RAB31: variants seen among roughly 807,000 people sequenced by gnomAD.
The protein encoded by RAB31 is ras-related protein Rab-31.
RAB31 carries 21 observed loss-of-function variants against 25.6 expected under a neutral mutation model. The observed-to-expected ratio is 0.82, with a 90% confidence interval of 0.58 to 1.18. The LOEUF is 1.18. Among genes scored for constraint, RAB31 ranks in the 50% most tolerant of loss-of-function variants. The pLI is 0.00. For synonymous variants in RAB31, 87 were observed against 84.0 expected (o/e 1.04, Z -0.20); for missense variants, 196 against 250.1 (o/e 0.78, Z 1.46).
At chr18:9,755,154 G>T (rs2068254681) in intron 1 of RAB31, among the ~76,000 whole-genome samples, 1 of 152,168 alleles carries the variant, frequency 6.6e-6, no homozygotes, top group South Asian at 2.1e-4. Flanking sequence ...ATACAGGAAA[G>T]CTTAACAGAA....
intron 3 of RAB31, among the ~76,000 whole-genome samples, chr18:9,809,162 T>C (rs1010546690): frequency 6.6e-6 from 1 of 152,230 alleles, no homozygotes; most frequent in Admixed American, 6.5e-5. Context: ...AGCCTGTTTT[T>C]ACCTTGGCCG....
At chr18:9,764,498 A>C (rs1040361464) in intron 1 of RAB31, among the ~76,000 whole-genome samples, 3 of 152,164 alleles carry the variant, frequency 2.0e-5, no homozygotes, top group Non-Finnish European at 4.4e-5. Flanking sequence ...TGTTTTCCTT[A>C]TGCGGGAATT....
At chr18:9,797,820 A>C (rs552409807) in intron 3 of RAB31, among the ~76,000 whole-genome samples, 1 of 152,352 alleles carries the variant, frequency 6.6e-6, no homozygotes, top group East Asian at 1.9e-4. Context: ...CAAAGGAAAG[A>C]TTTCTGTGTG....
chr18:9,844,434 A>G (rs1448313842), intron 5 of RAB31, among the ~76,000 whole-genome samples: 1 of 152,142 alleles, frequency 6.6e-6, no homozygotes, highest in African/African-American at 2.4e-5. Context: ...CCTAGCCTTC[A>G]TGGCCACACT....
chr18:9,744,996 T>C (rs1310151756), intron 1 of RAB31, among the ~76,000 whole-genome samples: 1 of 151,730 alleles, frequency 6.6e-6, no homozygotes, highest in Admixed American at 6.6e-5. Context: ...AGAAAAATAA[T>C]AGGGAAAATC....
chr18:9,817,389 T>G (rs1412880785), intron 5 of RAB31, among the ~76,000 whole-genome samples: 3 of 152,160 alleles, frequency 2.0e-5, no homozygotes, highest in African/African-American at 7.2e-5. Context: ...AAGGGGAATT[T>G]ATTGGAAGAT....
chr18:9,762,011 T>C (rs938917902), intron 1 of RAB31, among the ~76,000 whole-genome samples: 1 of 152,166 alleles, frequency 6.6e-6, no homozygotes, highest in Non-Finnish European at 1.5e-5. Context: ...TTTCACCATG[T>C]TGGCCAGGGT....
chr18:9,737,705 T>C (rs927713904), intron 1 of RAB31, among the ~76,000 whole-genome samples: 2 of 152,322 alleles, frequency 1.3e-5, no homozygotes, highest in African/African-American at 4.8e-5. Flanking sequence ...TAAAAGGTTG[T>C]CACGACGGCA....
At chr18:9,797,065 T>C (rs1392928658) in intron 3 of RAB31, among the ~76,000 whole-genome samples, 6 of 152,352 alleles carry the variant, frequency 3.9e-5, no homozygotes, top group Non-Finnish European at 7.4e-5. Context: ...CACAGACTTC[T>C]GTGCACGGGA....
chr18:9,859,089 A>AAGGG (rs1327421723), intron 6 of RAB31, 139 bp from the exon 7 acceptor site: 73 of 659,536 alleles, frequency 1.1e-4, no homozygotes, highest in Non-Finnish European at 1.8e-4. Context: ...GAAAGGAAGG[A>AAGGG]AGGAGAAAGG....
At chr18:9,819,978 A>G (rs2068617116) in intron 5 of RAB31, among the ~76,000 whole-genome samples, 1 of 151,994 alleles carries the variant, frequency 6.6e-6, no homozygotes. Flanking sequence ...GGAGTTTTCT[A>G]TATACAAGAT....
rs930546756 is a variant in RAB31, at chr18:9,766,171, G to A, written c.40-9107G>A. Among the ~76,000 whole-genome samples, 2 of 152,144 alleles carry A rather than the reference G, an allele frequency of 1.3e-5. No homozygotes were observed. Among genetic ancestry groups the A allele is most frequent in the African/African-American group, 4.8e-5 (2 of 41,428 alleles). On this transcript the variant is annotated intron_variant, in intron 1 of 6. Coordinates refer to ENST00000578921, the MANE Select transcript of RAB31 (RefSeq NM_006868.4). This position sits in a 1 kb window ranked among gnomAD's most constrained non-coding sequence, Gnocchi z 4.3. ...TTTTGGGGCTGTAGAAAGGGGAGGA[G>A]TAGCCATCCAGTAACCCTGGCCTGG...
intron 5 of RAB31, among the ~76,000 whole-genome samples, chr18:9,819,242 T>G (rs1174148689): frequency 1.3e-5 from 2 of 152,214 alleles, no homozygotes; most frequent in Admixed American, 1.3e-4. Flanking sequence ...AGTTACTTTT[T>G]GTATGTAATG....
intron 2 of RAB31, among the ~76,000 whole-genome samples, chr18:9,788,280 G>A (rs879813818): frequency 2.0e-5 from 3 of 152,152 alleles, no homozygotes; most frequent in Non-Finnish European, 4.4e-5. Context: ...TGGCCAACAA[G>A]TTTGTGGAAA....
intron 3 of RAB31, among the ~76,000 whole-genome samples, chr18:9,806,668 A>C (rs774162754): frequency 3.9e-5 from 6 of 152,190 alleles, no homozygotes; most frequent in Non-Finnish European, 5.9e-5. Context: ...CAGGGAAGTG[A>C]AACAATTGGA....
chr18:9,774,578 TCTC>T (rs2068362354), intron 1 of RAB31, among the ~76,000 whole-genome samples: 1 of 152,204 alleles, frequency 6.6e-6, no homozygotes, highest in Non-Finnish European at 1.5e-5. Context: ...TGTTGTCTCT[TCTC>T]CTATCTCTTT....
chr18:9,824,448 ATGTGTGTGTGTAGG>A (rs1483191692), intron 5 of RAB31, among the ~76,000 whole-genome samples: 2 of 151,134 alleles, frequency 1.3e-5, no homozygotes, highest in African/African-American at 2.4e-5. Context: ...GTGTGTGTAG[ATGTGTGTGTGTAGG>A]TGTGTGTGTG....
At chr18:9,794,304 A>G (rs1240240609) in intron 3 of RAB31, among the ~76,000 whole-genome samples, 1 of 152,252 alleles carries the variant, frequency 6.6e-6, no homozygotes, top group Non-Finnish European at 1.5e-5. Flanking sequence ...GGTAATTTAT[A>G]TAATTTTCAT....
At chr18:9,783,379 C>CG (rs959137508) in intron 2 of RAB31, among the ~76,000 whole-genome samples, 10 of 151,976 alleles carry the variant, frequency 6.6e-5, no homozygotes, top group African/African-American at 2.4e-4. Flanking sequence ...GGTTCCCCCC[C>CG]CTTACCTGCA....
Sources: gnomAD v4.1 joint callset for allele counts (sites outside exome capture counted in the v4.1 genomes callset) on GRCh38, gnomAD v4.1.1 for gene constraint, Gnocchi (gnomAD v3.1) non-coding constraint, MANE v1.5 for transcripts, NCBI Gene and HGNC (gene_info 2026-07-23, HGNC 2026-07-21) for gene names.